Variants in CCDC30 observed in about 807,000 individuals in gnomAD.
CCDC30 encodes the protein coiled-coil domain containing 30.
CCDC30 carries 70 observed loss-of-function variants against 100.2 expected under a neutral mutation model. The observed-to-expected ratio is 0.70, with a 90% confidence interval of 0.58 to 0.85. CCDC30 has a LOEUF of 0.85. Ranked by LOEUF, CCDC30 falls within the 40% of genes least tolerant of loss-of-function variation. CCDC30 has a pLI of 0.00. For missense variants in CCDC30, 652 were observed against 771.2 expected, an observed-to-expected ratio of 0.85 and a Z score of 1.83; for synonymous variants, 233 against 269.5, an observed-to-expected ratio of 0.86 and a Z score of 1.33.
intron 6 of CCDC30, among the ~76,000 whole-genome samples, chr1:42,557,736 A>T (rs1018530329): frequency 6.4e-4 from 95 of 148,490 alleles, no homozygotes; most frequent in African/African-American, 2.1e-3. Context: ...AATATTTAAA[A>T]TTTTAAAATA....
chr1:42,472,066 C>A (rs1643786624), intron 1 of CCDC30, among the ~76,000 whole-genome samples: 1 of 151,962 alleles, frequency 6.6e-6, no homozygotes, highest in Non-Finnish European at 1.5e-5. Context: ...CGAGCCTGAC[C>A]AACATGGTGA....
chr1:42,616,574 C>CT (rs1451130750), intron 11 of CCDC30, among the ~76,000 whole-genome samples: 1 of 152,130 alleles, frequency 6.6e-6, no homozygotes, highest in Non-Finnish European at 1.5e-5. Flanking sequence ...AGTTCCCTTG[C>CT]TTTTTTCAAA....
intron 1 of CCDC30, chr1:42,468,523 A>G (rs528851945): frequency 6.6e-6 from 1 of 152,374 alleles, no homozygotes; most frequent in South Asian, 2.1e-4. Flanking sequence ...CAGTCTTGTG[A>G]TCAGTCAAAA....
At chr1:42,598,800 C>T (rs141133616) in intron 10 of CCDC30, among the ~76,000 whole-genome samples, 16 of 151,968 alleles carry the variant, frequency 1.1e-4, no homozygotes, top group African/African-American at 3.9e-4. Flanking sequence ...GTGGCTCACA[C>T]CTGTAATCCC....
chr1:42,604,182 C>A (rs1570218957), intron 10 of CCDC30, among the ~76,000 whole-genome samples: 2 of 152,186 alleles, frequency 1.3e-5, no homozygotes, highest in East Asian at 3.9e-4. Context: ...CCACTGCACC[C>A]CACCCCAGCA....
chr1:42,652,629 C>A (rs1304963185), intron 15 of CCDC30, among the ~76,000 whole-genome samples: 1 of 152,102 alleles, frequency 6.6e-6, no homozygotes, highest in Non-Finnish European at 1.5e-5. Flanking sequence ...GAAAACAACC[C>A]ACTCTCCATC....
At chr1:42,584,626 G>A (rs1381721282) in intron 9 of CCDC30, among the ~76,000 whole-genome samples, 6 of 152,058 alleles carry the variant, frequency 3.9e-5, no homozygotes, top group Non-Finnish European at 8.8e-5. Context: ...AAGTTTCGCT[G>A]TTATTATAAT....
intron 7 of CCDC30, among the ~76,000 whole-genome samples, chr1:42,572,515 TA>T (rs1645753419): frequency 6.6e-6 from 1 of 152,204 alleles, no homozygotes; most frequent in Non-Finnish European, 1.5e-5. Context: ...TAATATTCAT[TA>T]TTTTTCATTA....
intron 10 of CCDC30, among the ~76,000 whole-genome samples, chr1:42,599,598 A>C (rs776162184): frequency 2.2e-4 from 33 of 152,356 alleles, no homozygotes; most frequent in Admixed American, 1.8e-3. Context: ...TAAATGCACC[A>C]ATTAAAAAAG....
intron 9 of CCDC30, among the ~76,000 whole-genome samples, chr1:42,588,424 T>A (rs1472732849): frequency 2.6e-5 from 4 of 152,192 alleles, no homozygotes; most frequent in Non-Finnish European, 5.9e-5. Flanking sequence ...TCAAGTGTGA[T>A]GACCCAGTGT....
intron 1 of CCDC30, among the ~76,000 whole-genome samples, chr1:42,465,463 C>T (rs182903541): frequency 1.2e-3 from 186 of 152,290 alleles, no homozygotes; most frequent in Admixed American, 2.2e-3. Context: ...CTCCCGGGTT[C>T]AAGTGATTCT....
chr1:42,467,372 A>C (rs12048402), intron 1 of CCDC30, among the ~76,000 whole-genome samples: 36,734 of 152,194 alleles, frequency 0.24, 4,807 homozygotes, highest in South Asian at 0.42. Context: ...AGCCTAAACT[A>C]AGGCAGTAAC....
intron 11 of CCDC30, among the ~76,000 whole-genome samples, chr1:42,615,908 G>T (rs976971467): frequency 1.3e-5 from 2 of 151,284 alleles, no homozygotes; most frequent in Admixed American, 1.3e-4. Flanking sequence ...TTTTGAACTT[G>T]TTTTTTGTTT....
intron 6 of CCDC30, among the ~76,000 whole-genome samples, chr1:42,515,423 G>A (rs1252664603): frequency 6.6e-6 from 1 of 152,192 alleles, no homozygotes; most frequent in Non-Finnish European, 1.5e-5. Context: ...ATTAAGAGAT[G>A]TGGCCTTTGG....
chr1:42,602,098 C>A (rs1180414059), intron 10 of CCDC30, among the ~76,000 whole-genome samples: 20 of 151,692 alleles, frequency 1.3e-4, no homozygotes, highest in Admixed American at 1.3e-3. Context: ...AATCAGTGAG[C>A]TCAAGACAGG....
At chr1:42,536,884 A>G in intron 6 of CCDC30, 1 of 394,312 alleles carries the variant, frequency 2.5e-6, no homozygotes, top group South Asian at 2.9e-5. Flanking sequence ...AGAGTGAGCA[A>G]GCTCTGGTGT....
exon 12 of CCDC30, chr1:42,637,359 T>A: frequency 1.2e-6 from 2 of 1,604,726 alleles, no homozygotes; most frequent in Non-Finnish European, 1.7e-6. Flanking sequence ...ATTGGAATCC[T>A]GCAACATAAA....
At chr1:42,652,623 A>G (rs2148701192) in intron 15 of CCDC30, among the ~76,000 whole-genome samples, 1 of 152,336 alleles carries the variant, frequency 6.6e-6, no homozygotes, top group South Asian at 2.1e-4. Flanking sequence ...AAAAGTGAAA[A>G]CAACCCACTC....
At chr1:42,605,019 C>T (rs1363116198) in intron 10 of CCDC30, among the ~76,000 whole-genome samples, 1 of 152,202 alleles carries the variant, frequency 6.6e-6, no homozygotes, top group Non-Finnish European at 1.5e-5. Context: ...GTCCTACAGT[C>T]ATTGTCATCA....
Sources: allele counts gnomAD v4.1 joint callset (sites outside exome capture counted in the v4.1 genomes callset), GRCh38; gene constraint gnomAD v4.1.1; transcripts MANE v1.5; gene names NCBI Gene and HGNC (gene_info 2026-07-23, HGNC 2026-07-21).